ARHGAP10: variants seen among roughly 807,000 people sequenced by gnomAD.
ARHGAP10 encodes rho GTPase-activating protein 10.
Under a neutral mutation model 108.6 loss-of-function variants are expected in ARHGAP10, and 87 were observed. That is an observed-to-expected ratio of 0.80 (90% CI 0.67 to 0.96). ARHGAP10 has a LOEUF of 0.96. Among genes scored for constraint, ARHGAP10 ranks in the 40% least tolerant of loss-of-function variants. ARHGAP10 has a pLI of 0.00. For synonymous variants in ARHGAP10, 347 were observed against 341.1 expected, an observed-to-expected ratio of 1.02 and a Z score of -0.19; for missense variants, 939 against 954.5, an observed-to-expected ratio of 0.98 and a Z score of 0.21.
chr4:147,770,826 A>T (rs1730045787), intron 1 of ARHGAP10, among the ~76,000 whole-genome samples: 1 of 152,120 alleles, frequency 6.6e-6, no homozygotes, highest in Non-Finnish European at 1.5e-5. Context: ...AGTACCACAG[A>T]CTGGGCAGCT....
At chr4:148,031,570 C>T (rs1012619187) in intron 19 of ARHGAP10, among the ~76,000 whole-genome samples, 12 of 152,168 alleles carry the variant, frequency 7.9e-5, no homozygotes, top group Non-Finnish European at 1.5e-4. Context: ...AACTTCTCTT[C>T]CCTGGAGTCA....
intron 10 of ARHGAP10, among the ~76,000 whole-genome samples, chr4:147,885,964 CA>C (rs1209029220): frequency 2.0e-5 from 3 of 152,300 alleles, no homozygotes; most frequent in African/African-American, 7.2e-5. Context: ...CATAATGCCA[CA>C]AGTGGAGAAT....
chr4:147,772,785 C>T (rs1032329923), intron 1 of ARHGAP10, among the ~76,000 whole-genome samples: 4 of 152,060 alleles, frequency 2.6e-5, no homozygotes, highest in African/African-American at 9.7e-5. Flanking sequence ...CTGGAGCATT[C>T]TCTTAAGTCT....
intron 3 of ARHGAP10, among the ~76,000 whole-genome samples, chr4:147,828,850 A>C (rs535653784): frequency 6.6e-6 from 1 of 151,430 alleles, no homozygotes; most frequent in African/African-American, 2.4e-5. Context: ...CTATGAATAC[A>C]CATGCCTCAC....
intron 18 of ARHGAP10, among the ~76,000 whole-genome samples, chr4:148,021,577 T>A (rs966206518): frequency 5.9e-5 from 9 of 152,210 alleles, no homozygotes; most frequent in South Asian, 2.1e-4. Context: ...CCATTTTTTT[T>A]ATTTTTCCAG....
intron 18 of ARHGAP10, among the ~76,000 whole-genome samples, chr4:147,989,617 T>C (rs984578840): frequency 1.3e-5 from 2 of 152,182 alleles, no homozygotes; most frequent in African/African-American, 4.8e-5. Context: ...AGAAGAGAAA[T>C]ATGGCTCTGT....
chr4:147,753,894 T>C (rs919224157), intron 1 of ARHGAP10, among the ~76,000 whole-genome samples: 2 of 152,120 alleles, frequency 1.3e-5, no homozygotes, highest in African/African-American at 2.4e-5. Flanking sequence ...TAATTTGTGG[T>C]TAGAGAGATT....
chr4:147,946,657 A>G lies in ARHGAP10; in HGVS notation c.1344A>G (p.Ala448=). The change falls in exon 15 of 23, where the codon GCA becomes GCG. Residue 448 remains alanine (A), a synonymous_variant. Transcript: ENST00000336498. ...TCNEVDLENS[A]DWEVKTITSA... The stretch of plus-strand genomic sequence containing the variant: ...ATGAGGTGGACCTGGAGAATTCTGC[A>G]GATTGGGAAGTGAAGACAATAACAA... 1 of 1,612,976 alleles carries G rather than the reference A, an allele frequency of 6.2e-7. No homozygotes were observed. Among genetic ancestry groups the G allele is most frequent in the Non-Finnish European group, 8.5e-7 (1 of 1,179,654 alleles).
At chr4:147,864,732 A>G in intron 5 of ARHGAP10, 114 bp from the exon 6 acceptor site, 1 of 785,942 alleles carries the variant, frequency 1.3e-6, no homozygotes, top group African/African-American at 1.8e-5. Context: ...CTTTATTTAC[A>G]AAATCAGGCA....
intron 18 of ARHGAP10, among the ~76,000 whole-genome samples, chr4:148,021,014 C>T (rs368327971): frequency 6.6e-6 from 1 of 152,166 alleles, no homozygotes; most frequent in African/African-American, 2.4e-5. Flanking sequence ...CTTGGCTACA[C>T]AAAAGAATCA....
chr4:148,034,514 G>C (rs1728289163), intron 19 of ARHGAP10, among the ~76,000 whole-genome samples: 1 of 148,374 alleles, frequency 6.7e-6, no homozygotes, highest in Non-Finnish European at 1.5e-5. Context: ...ATTTTTAGTA[G>C]AGACAGGTTT....
intron 1 of ARHGAP10, among the ~76,000 whole-genome samples, chr4:147,736,404 C>A (rs2126674035): frequency 6.6e-6 from 1 of 152,152 alleles, no homozygotes; most frequent in South Asian, 2.1e-4. Context: ...CTTAAGTTGC[C>A]ATTACATTAA....
intron 18 of ARHGAP10, among the ~76,000 whole-genome samples, chr4:147,970,903 C>T (rs1234788341): frequency 2.0e-5 from 3 of 152,110 alleles, no homozygotes; most frequent in Non-Finnish European, 4.4e-5. Context: ...GCCTGGCCAA[C>T]ATGGCAAAAC....
intron 19 of ARHGAP10, among the ~76,000 whole-genome samples, chr4:148,041,595 G>T (rs1728634964): frequency 6.6e-6 from 1 of 152,166 alleles, no homozygotes; most frequent in Admixed American, 6.5e-5. Context: ...TATTAGAAAT[G>T]GTAGAATTAT....
intron 12 of ARHGAP10, 69 bp from the exon 13 acceptor site, chr4:147,913,005 A>G (rs1163146876): frequency 2.8e-6 from 4 of 1,448,250 alleles, no homozygotes; most frequent in East Asian, 4.7e-5. Flanking sequence ...AATTTTTCCT[A>G]TTTTTAAAAG....
chr4:147,810,202 C>A (rs756534256), intron 1 of ARHGAP10, among the ~76,000 whole-genome samples: 1 of 152,222 alleles, frequency 6.6e-6, no homozygotes, highest in Non-Finnish European at 1.5e-5. Context: ...CTTGCTCCTG[C>A]AAATACTGTT....
At chr4:147,884,918 C>A (rs1735481726) in intron 10 of ARHGAP10, among the ~76,000 whole-genome samples, 1 of 152,158 alleles carries the variant, frequency 6.6e-6, no homozygotes, top group African/African-American at 2.4e-5. Flanking sequence ...TCTCAAAGCT[C>A]ATTCTGGCAG....
intron 18 of ARHGAP10, among the ~76,000 whole-genome samples, chr4:148,005,963 A>G (rs1740930680): frequency 6.6e-6 from 1 of 152,254 alleles, no homozygotes; most frequent in Non-Finnish European, 1.5e-5. Context: ...GATTAAAAGT[A>G]GCCACAAATT....
intron 1 of ARHGAP10, among the ~76,000 whole-genome samples, chr4:147,802,579 T>C (rs1399187875): frequency 1.3e-5 from 2 of 152,268 alleles, no homozygotes; most frequent in Non-Finnish European, 2.9e-5. Flanking sequence ...TAGTGGTATT[T>C]GTGTCTCGTA....
Sources: allele counts gnomAD v4.1 joint callset (sites outside exome capture counted in the v4.1 genomes callset), GRCh38; gene constraint gnomAD v4.1.1; transcripts MANE v1.5; gene names NCBI Gene and HGNC (gene_info 2026-07-23, HGNC 2026-07-21).